SNX13: variants seen among roughly 807,000 people sequenced by gnomAD.
SNX13 encodes the protein sorting nexin-13.
SNX13 carries 45 observed loss-of-function variants against 133.6 expected under a neutral mutation model. That is an observed-to-expected ratio of 0.34 (90% CI 0.27 to 0.43). SNX13 has a LOEUF of 0.43. Among genes scored for constraint, SNX13 ranks in the 20% least tolerant of loss-of-function variants. The probability of loss-of-function intolerance (pLI) is 1.00; values close to 1 mark genes in which losing one functional copy is unlikely to be tolerated. For synonymous variants in SNX13, 414 were observed against 373.9 expected (o/e 1.11, Z -1.24); for missense variants, 1,032 against 1,145.1 (o/e 0.90, Z 1.43).
rs1380296209 is a variant in SNX13, at chr7:17,828,357, T to C, written c.1635+1653A>G. On this transcript the variant is annotated intron_variant, in intron 16 of 25. Coordinates refer to ENST00000428135, the MANE Select transcript of SNX13 (RefSeq NM_015132.5). ...AATTTGCAAAGTACTCTTTAAGTTA[T>C]GATTCTTAAACTCCTTGTAAGAAAG... 2.6e-5 allele frequency among the ~76,000 whole-genome samples: 4 copies of C among 151,854 alleles called. No homozygotes were observed. The East Asian group carries it at 7.7e-4, about 29-fold the overall frequency.
At chr7:17,915,492 A>T (rs1799452191) in intron 1 of SNX13, among the ~76,000 whole-genome samples, 1 of 152,202 alleles carries the variant, frequency 6.6e-6, no homozygotes, top group Non-Finnish European at 1.5e-5. Flanking sequence ...AAACAACCCC[A>T]GGGTCTCTCT....
intron 15 of SNX13, chr7:17,831,067 C>T (rs1019522205): frequency 1.0e-6 from 1 of 984,216 alleles, no homozygotes; most frequent in African/African-American, 1.8e-5. Flanking sequence ...AATTATATGC[C>T]TCCTACCTCT....
At chr7:17,801,516 T>C (rs1317075684) in intron 22 of SNX13, 72 bp downstream of exon 22, 1 of 1,168,770 alleles carries the variant, frequency 8.6e-7, no homozygotes, top group African/African-American at 1.5e-5. Context: ...CATAGAACAC[T>C]TCATTAAAAA....
rs1787990549 is a variant in SNX13, at chr7:17,827,068, T to C, written c.1636-977A>G. Among the ~76,000 whole-genome samples the C allele has an allele frequency of 2.0e-5, 3 of 152,130 alleles. 1 individual carries two copies. In the South Asian group the frequency reaches 6.2e-4, roughly 31 times the overall value. On this transcript the variant is annotated intron_variant, in intron 16 of 25. Transcript: ENST00000428135. ...CTTCTAGGAGTCCAGAATTTTGGTA[T>C]GTGCTATATAATCTGCCTCCAATAA...
intron 1 of SNX13, among the ~76,000 whole-genome samples, chr7:17,917,309 G>A (rs1799668771): frequency 6.6e-6 from 1 of 152,100 alleles, no homozygotes; most frequent in Non-Finnish European, 1.5e-5. Context: ...AGAAGTCTTA[G>A]AGCAATCCGG....
intron 7 of SNX13, 141 bp from the exon 8 acceptor site, chr7:17,873,757 A>G (rs1427133825): frequency 7.7e-6 from 3 of 388,418 alleles, no homozygotes; most frequent in East Asian, 3.8e-5. Context: ...AGTACACATC[A>G]GTATTCATTA....
intron 22 of SNX13, among the ~76,000 whole-genome samples, chr7:17,800,082 T>C (rs918863025): frequency 1.3e-5 from 2 of 151,734 alleles, no homozygotes; most frequent in African/African-American, 2.4e-5. Context: ...ATTTCATTAC[T>C]GAGACAGAAT....
chr7:17,936,092 G>C (rs546300765), intron 1 of SNX13, among the ~76,000 whole-genome samples: 1 of 152,236 alleles, frequency 6.6e-6, no homozygotes, highest in East Asian at 1.9e-4. Flanking sequence ...TGAAATACAA[G>C]AAAGTGTATT....
At chr7:17,940,142 G>T in intron 1 of SNX13, 142 bp downstream of exon 1, 1 of 1,120,042 alleles carries the variant, frequency 8.9e-7, no homozygotes, top group Non-Finnish European at 1.3e-6. Flanking sequence ...GAGGGCACTT[G>T]TAGGATCCCC....
chr7:17,857,162 A>G (rs1352002568), intron 9 of SNX13, among the ~76,000 whole-genome samples: 1 of 152,174 alleles, frequency 6.6e-6, no homozygotes, highest in African/African-American at 2.4e-5. Context: ...TTCCTCACAC[A>G]TAAAATTACC....
chr7:17,868,748 T>C (rs1031458998), intron 8 of SNX13, among the ~76,000 whole-genome samples: 1 of 152,112 alleles, frequency 6.6e-6, no homozygotes, highest in African/African-American at 2.4e-5. Context: ...ATGATACCTC[T>C]AGTATGTTAG....
chr7:17,899,434 CAAT>C (rs1163314981), intron 1 of SNX13: 1 of 152,082 alleles, frequency 6.6e-6, no homozygotes, highest in Non-Finnish European at 1.5e-5. Context: ...TCTTTAAGGA[CAAT>C]AACTCTTAAA....
At chr7:17,869,217 A>G (rs1252035231) in intron 8 of SNX13, among the ~76,000 whole-genome samples, 3 of 152,126 alleles carry the variant, frequency 2.0e-5, no homozygotes, top group Non-Finnish European at 2.9e-5. Context: ...CTCTGTAATT[A>G]TAAGTCTTAT....
intron 1 of SNX13, among the ~76,000 whole-genome samples, chr7:17,935,632 AG>A (rs1415893488): frequency 6.6e-6 from 1 of 152,250 alleles, no homozygotes; most frequent in African/African-American, 2.4e-5. Flanking sequence ...ATATTTAAAA[AG>A]AAAAAATTCT....
chr7:17,828,555 T>C (rs1380847567), intron 16 of SNX13, among the ~76,000 whole-genome samples: 3 of 151,802 alleles, frequency 2.0e-5, no homozygotes, highest in Non-Finnish European at 4.4e-5. Flanking sequence ...TACATTGGAA[T>C]AAACTATCGT....
At chr7:17,867,484 T>G (rs1363387420) in intron 9 of SNX13, among the ~76,000 whole-genome samples, 1 of 151,954 alleles carries the variant, frequency 6.6e-6, no homozygotes, top group African/African-American at 2.4e-5. Flanking sequence ...GGTGCATGCC[T>G]GTGTCCCAGC....
intron 1 of SNX13, among the ~76,000 whole-genome samples, chr7:17,919,202 C>A (rs139011882): frequency 6.6e-6 from 1 of 152,242 alleles, no homozygotes; most frequent in African/African-American, 2.4e-5. Flanking sequence ...GCACAAAATA[C>A]CCATGTAACA....
chr7:17,832,107 A>G (rs2128309874), intron 15 of SNX13: 3 of 983,846 alleles, frequency 3.0e-6, no homozygotes, highest in Non-Finnish European at 3.6e-6. Context: ...CAATGATTCA[A>G]ATGTGAGGGG....
chr7:17,863,342 A>T (rs1423454543), intron 9 of SNX13, among the ~76,000 whole-genome samples: 1 of 152,126 alleles, frequency 6.6e-6, no homozygotes, highest in Non-Finnish European at 1.5e-5. Flanking sequence ...GTGTAACACC[A>T]GCTATGGTGG....
Sources: allele counts gnomAD v4.1 joint callset (sites outside exome capture counted in the v4.1 genomes callset), GRCh38; gene constraint gnomAD v4.1.1; transcripts MANE v1.5; gene names NCBI Gene and HGNC (gene_info 2026-07-23, HGNC 2026-07-21).